GRIK1: variants seen among roughly 807,000 people sequenced by gnomAD.
GRIK1 encodes glutamate ionotropic receptor kainate type subunit 1, also known as glutamate receptor ionotropic, kainate 1.
GRIK1 carries 69 observed loss-of-function variants against 105.7 expected under a neutral mutation model. The ratio of observed to expected loss-of-function variants is 0.65; its 90% CI spans 0.54 to 0.80. GRIK1 has a LOEUF of 0.80. Among genes scored for constraint, GRIK1 ranks in the 30% least tolerant of loss-of-function variants. GRIK1 has a pLI of 0.00. For missense variants in GRIK1, 1,109 were observed against 1,167.3 expected, an observed-to-expected ratio of 0.95 and a Z score of 0.73; for synonymous variants, 438 against 431.3, an observed-to-expected ratio of 1.02 and a Z score of -0.19.
chr21:29,878,448 C>T (rs150162116), intron 1 of GRIK1, among the ~76,000 whole-genome samples: 3 of 152,076 alleles, frequency 2.0e-5, no homozygotes, highest in Admixed American at 6.6e-5. Context: ...TGGAGCACCT[C>T]ATCTGGAATG....
At chr21:29,903,257 G>A (rs2070476845) in intron 1 of GRIK1, among the ~76,000 whole-genome samples, 1 of 152,126 alleles carries the variant, frequency 6.6e-6, no homozygotes, top group Non-Finnish European at 1.5e-5. Context: ...AAAAGTGATG[G>A]CAACAAAAGC....
At chr21:29,834,123 A>T (rs2067714730) in intron 1 of GRIK1, among the ~76,000 whole-genome samples, 1 of 152,038 alleles carries the variant, frequency 6.6e-6, no homozygotes, top group African/African-American at 2.4e-5. Flanking sequence ...AGAGAGATAC[A>T]TTAGGGAAAT....
chr21:29,861,646 A>G, intron 1 of GRIK1: 1 of 449,344 alleles, frequency 2.2e-6, no homozygotes, highest in South Asian at 1.6e-5. Context: ...TCTTTTCCTA[A>G]CTTGCTGAGA....
At chr21:29,598,732 A>G (rs900985001) in intron 8 of GRIK1, 98 bp downstream of exon 8, 1 of 582,104 alleles carries the variant, frequency 1.7e-6, no homozygotes, top group Non-Finnish European at 3.0e-6. Context: ...ATGCTTAGAG[A>G]ATCACTTCAT....
Position 29,624,500 on chromosome 21 carries a change from TA to T in GRIK1, c.1098+18325del, listed in dbSNP as rs549321643. On this transcript the variant is annotated intron_variant, in intron 7 of 17. Coordinates refer to ENST00000327783, the MANE Select transcript of GRIK1 (RefSeq NM_001330994.2). Reference sequence around the variant, plus strand: ...AAAGCTGTATTTAATATGGAATCAATAAAAAAAAGAAATGAGTAGAAAATCT... The same window carrying T: ...AAAGCTGTATTTAATATGGAATCAATAAAAAAAGAAATGAGTAGAAAATCT... Among the ~76,000 whole-genome samples the T allele has an allele frequency of 9.9e-5, 15 of 151,958 alleles. No individual in the cohort carries two copies. In the South Asian group the frequency reaches 1.5e-3, roughly 15 times the overall value.
Position 29,656,860 on chromosome 21 carries a change from T to C in GRIK1, c.727-1997A>G, listed in dbSNP as rs559098413. ...ACACGAAAACCAGAGGAATATTTAG[T>C]GAAATTGCAATGTCATGAACTTAAG... is the stretch of plus-strand genomic sequence containing the variant. On this transcript the variant is annotated intron_variant, in intron 4 of 17. Transcript: ENST00000327783. Among the ~76,000 whole-genome samples, 14 of 152,290 alleles carry C rather than the reference T, an allele frequency of 9.2e-5. No individual in the cohort carries two copies. The South Asian group carries it at 2.3e-3, about 25-fold the overall frequency.
At chr21:29,710,601 T>C (rs1024571788) in intron 1 of GRIK1, among the ~76,000 whole-genome samples, 2 of 140,268 alleles carry the variant, frequency 1.4e-5, no homozygotes, top group Non-Finnish European at 3.2e-5. Context: ...CAATTTTAAT[T>C]ATTATTTATT....
chr21:29,690,612 A>G (rs977935790), intron 2 of GRIK1, among the ~76,000 whole-genome samples: 7 of 152,264 alleles, frequency 4.6e-5, no homozygotes, highest in Non-Finnish European at 8.8e-5. Flanking sequence ...TTCATAGACA[A>G]TGAAGAGAGT....
At chr21:29,665,005 G>C (rs1339950869) in intron 4 of GRIK1, among the ~76,000 whole-genome samples, 1 of 152,114 alleles carries the variant, frequency 6.6e-6, no homozygotes, top group African/African-American at 2.4e-5. Flanking sequence ...AAGTTCCCCT[G>C]CTTCCACTGC....
intron 1 of GRIK1, among the ~76,000 whole-genome samples, chr21:29,831,221 A>G (rs1190844570): frequency 6.6e-6 from 1 of 152,178 alleles, no homozygotes; most frequent in Non-Finnish European, 1.5e-5. Context: ...GAAATGTTTG[A>G]GCAGCCCACT....
chr21:29,657,813 T>C (rs774849126), intron 4 of GRIK1: 1 of 152,244 alleles, frequency 6.6e-6, no homozygotes, highest in Non-Finnish European at 1.5e-5. Context: ...ACTTTGTAAA[T>C]AAAACGATTG....
intron 1 of GRIK1, among the ~76,000 whole-genome samples, chr21:29,910,031 T>C (rs2070762824): frequency 6.6e-6 from 1 of 152,056 alleles, no homozygotes; most frequent in African/African-American, 2.4e-5. Flanking sequence ...CCATTAAAGG[T>C]GACATTCAGT....
chr21:29,848,779 A>ATATATT, intron 1 of GRIK1, among the ~76,000 whole-genome samples: 19,250 of 77,504 alleles, frequency 0.25, 3,257 homozygotes, highest in Non-Finnish European at 0.32. Context: ...ATATATATAT[A>ATATATT]TTTTTTTTTT....
intron 1 of GRIK1, among the ~76,000 whole-genome samples, chr21:29,866,642 G>C (rs532171757): frequency 6.6e-6 from 1 of 152,204 alleles, no homozygotes; most frequent in Admixed American, 6.5e-5. Flanking sequence ...AAAGAAGTGG[G>C]GATGACACTT....
intron 1 of GRIK1, among the ~76,000 whole-genome samples, chr21:29,909,285 C>T (rs910072939): frequency 2.0e-5 from 3 of 151,806 alleles, no homozygotes; most frequent in Non-Finnish European, 2.9e-5. Context: ...TTACTGGCTG[C>T]TTCATCTCAT....
At chr21:29,588,046 C>G (rs1339309358) in intron 11 of GRIK1, among the ~76,000 whole-genome samples, 1 of 134,640 alleles carries the variant, frequency 7.4e-6, no homozygotes, top group Non-Finnish European at 1.5e-5. Context: ...GCAATCTCGG[C>G]TCACTGCAAG....
At chr21:29,751,506 A>G (rs1306478590) in intron 1 of GRIK1, among the ~76,000 whole-genome samples, 3 of 151,974 alleles carry the variant, frequency 2.0e-5, no homozygotes, top group Non-Finnish European at 4.4e-5. Flanking sequence ...GTTTACCATG[A>G]CTTTATTTCT....
intron 6 of GRIK1, among the ~76,000 whole-genome samples, chr21:29,646,850 CT>C (rs544696996): frequency 0.062 from 8,970 of 143,698 alleles, 403 homozygotes; most frequent in African/African-American, 0.14. Flanking sequence ...TCTTTCTTTC[CT>C]TTTTTTTTTT....
At chr21:29,769,379 C>T (rs2065755899) in intron 1 of GRIK1, among the ~76,000 whole-genome samples, 1 of 152,094 alleles carries the variant, frequency 6.6e-6, no homozygotes, top group Non-Finnish European at 1.5e-5. Flanking sequence ...ACTGCAGTCC[C>T]CAACCTTTTT....
Sources: allele counts gnomAD v4.1 joint callset (sites outside exome capture counted in the v4.1 genomes callset), GRCh38; gene constraint gnomAD v4.1.1; transcripts MANE v1.5; gene names NCBI Gene and HGNC (gene_info 2026-07-23, HGNC 2026-07-21).